The following OOEP variants were observed in gnomAD, a reference collection of about 807,000 sequenced individuals.
The protein encoded by OOEP is oocyte-expressed protein homolog.
A neutral mutation model predicts 13.7 loss-of-function variants in OOEP; 16 were observed. The ratio of observed to expected loss-of-function variants is 1.16; its 90% CI spans 0.79 to 1.77. The LOEUF (loss-of-function observed/expected upper bound fraction) is 1.77. Among genes scored for constraint, OOEP ranks in the 40% most tolerant of loss-of-function variants. OOEP has a pLI of 0.00. For synonymous variants in OOEP, 89 were observed against 77.1 expected (o/e 1.15, Z -0.81); for missense variants, 195 against 193.1 (o/e 1.01, Z -0.06).
intron 2 of OOEP, among the ~76,000 whole-genome samples, chr6:73,390,410 A>T (rs1484660692): frequency 6.6e-6 from 1 of 152,188 alleles, no homozygotes; most frequent in East Asian, 1.9e-4. Context: ...CAAATTCTTT[A>T]CGTAAAATGG....
At chr6:73,390,791 G>T (rs982984202) in intron 2 of OOEP, among the ~76,000 whole-genome samples, 5 of 150,696 alleles carry the variant, frequency 3.3e-5, no homozygotes, top group Admixed American at 2.0e-4. Flanking sequence ...AGTAGAGAGG[G>T]GGGTATCGCC....
intron 2 of OOEP, among the ~76,000 whole-genome samples, chr6:73,379,657 A>AAAAT (rs59726483): frequency 9.0e-6 from 1 of 110,902 alleles, no homozygotes; most frequent in Non-Finnish European, 1.8e-5. Flanking sequence ...AAAAAAAAAA[A>AAAAT]AAAAGTGGCC....
rs541876094 is a variant in OOEP, at chr6:73,382,304, G to A, written c.25+12042C>T. Among the ~76,000 whole-genome samples, 15 of 138,876 alleles carry A rather than the reference G, an allele frequency of 1.1e-4. No homozygotes were observed. The South Asian group carries it at 1.9e-3, about 17-fold the overall frequency. The allele number at this position is 138,876 out of a possible 152,430, so 91.1% of individuals were successfully genotyped here. On this transcript the variant is annotated intron_variant, in intron 2 of 3. Coordinates refer to the OOEP transcript ENST00000370363. The stretch of plus-strand genomic sequence containing the variant: ...GTGATCTCAGCTCACCACAACCTCC[G>A]CCTCCTGGGTTCAAGTGATTCTCCT...
chr6:73,389,741 T>C (rs516395), intron 2 of OOEP, among the ~76,000 whole-genome samples: 73,462 of 151,472 alleles, frequency 0.48, 18,504 homozygotes, highest in South Asian at 0.6. Context: ...ATATACCTAA[T>C]GTTAAATGAC....
At chr6:73,381,205 T>TAAAAAAA (rs66507015) in intron 2 of OOEP, among the ~76,000 whole-genome samples, 5 of 100,998 alleles carry the variant, frequency 5.0e-5, no homozygotes, top group East Asian at 2.8e-4. Context: ...AAAAAAGTGT[T>TAAAAAAA]AAAAAAAAAA....
intron 2 of OOEP, among the ~76,000 whole-genome samples, chr6:73,384,009 T>C (rs1769237853): frequency 6.6e-6 from 1 of 152,114 alleles, no homozygotes; most frequent in Non-Finnish European, 1.5e-5. Flanking sequence ...GGCAGGAGGA[T>C]CACTTGAGCC....
At chr6:73,382,232 T>TA in intron 2 of OOEP, among the ~76,000 whole-genome samples, 1 of 147,138 alleles carries the variant, frequency 6.8e-6, no homozygotes, top group Middle Eastern at 3.5e-3. Context: ...TTTTTTTTTT[T>TA]TTTGAGATGG....
intron 2 of OOEP, among the ~76,000 whole-genome samples, chr6:73,375,997 C>T (rs12206527): frequency 0.038 from 5,831 of 151,864 alleles, 129 homozygotes; most frequent in East Asian, 0.076. Context: ...TTGGCCAGGC[C>T]GGTCTCGAAC....
At chr6:73,394,388 A>G (rs1248071658) in exon 2 of OOEP, 2 of 714,686 alleles carry the variant, frequency 2.8e-6, no homozygotes, top group East Asian at 2.7e-5. Flanking sequence ...GCAGTGGCTG[A>G]CTGTAATCCC....
upstream of OOEP, among the ~76,000 whole-genome samples, chr6:73,371,619 G>C (rs1769057218): frequency 6.6e-6 from 1 of 151,920 alleles, no homozygotes; most frequent in Non-Finnish European, 1.5e-5. Flanking sequence ...ACATGGTGGT[G>C]CATGCCTATA....
chr6:73,392,663 C>T (rs549763719), intron 2 of OOEP, among the ~76,000 whole-genome samples: 17 of 121,810 alleles, frequency 1.4e-4, no homozygotes, highest in East Asian at 7.9e-4. Flanking sequence ...TGGAGTCTCT[C>T]GCTCTGTCAT....
At chr6:73,387,957 C>T (rs1769297464) in intron 2 of OOEP, among the ~76,000 whole-genome samples, 2 of 152,220 alleles carry the variant, frequency 1.3e-5, no homozygotes, top group African/African-American at 2.4e-5. Flanking sequence ...GCAACTTCCG[C>T]CTCCTGTGTT....
rs199988719 is a variant in OOEP, at chr6:73,369,262, C to T, written c.314G>A (p.Arg105Gln). 2.0e-5 allele frequency: 32 copies of T among 1,613,728 alleles called. No individual in the cohort carries two copies. The highest frequency in any genetic ancestry group is 1.8e-4 in the Admixed American group (11 of 59,980). The change falls in exon 2 of 3, where the codon CGG (arginine) becomes CAG (glutamine). Residue 105 changes from arginine to glutamine, a missense_variant. Physicochemically the swap from Arg to Gln is conservative, Grantham distance 43 (BLOSUM62 1). Coordinates refer to ENST00000370359, the MANE Select transcript of OOEP (RefSeq NM_001080507.3). ...TVFGRPRVQN[R>Q]VKSMLLCLAW... ...CAGGCACAGGAGCATGCTCTTCACC[C>T]GATTCTGTACACGGGGCCGCCCGAA...
upstream of OOEP, chr6:73,370,099 G>T (rs1048796836): frequency 2.1e-5 from 8 of 390,228 alleles, no homozygotes; most frequent in Admixed American, 4.2e-5. Context: ...TGCTTAGCCT[G>T]AAAGTCCTCT....
At chr6:73,381,568 A>C (rs1448172740) in intron 2 of OOEP, among the ~76,000 whole-genome samples, 2 of 152,206 alleles carry the variant, frequency 1.3e-5, no homozygotes, top group Non-Finnish European at 2.9e-5. Context: ...AGGAACAGAC[A>C]CTACTTTGCA....
chr6:73,370,579 CCT>C (rs1170132697), upstream of OOEP, among the ~76,000 whole-genome samples: 3 of 152,176 alleles, frequency 2.0e-5, no homozygotes, highest in Non-Finnish European at 4.4e-5. Flanking sequence ...TTGCCTCACT[CCT>C]CTGTTTTTAA....
At chr6:73,379,170 G>A (rs1018964676) in intron 2 of OOEP, among the ~76,000 whole-genome samples, 6 of 151,596 alleles carry the variant, frequency 4.0e-5, no homozygotes, top group East Asian at 4.0e-4. Flanking sequence ...GATTACAGGC[G>A]TGCGCCACCA....
intron 2 of OOEP, chr6:73,391,363 G>C (rs1490137566): frequency 2.0e-5 from 3 of 153,012 alleles, no homozygotes; most frequent in Non-Finnish European, 4.4e-5. Flanking sequence ...GATTCTGCTA[G>C]CTCTTTTGGG....
At chr6:73,383,657 A>G (rs1243990124) in intron 2 of OOEP, among the ~76,000 whole-genome samples, 2 of 152,262 alleles carry the variant, frequency 1.3e-5, no homozygotes, top group Non-Finnish European at 1.5e-5. Flanking sequence ...AATCAATGCA[A>G]TCAGTGCAAG....
Sources: allele counts gnomAD v4.1 joint callset (sites outside exome capture counted in the v4.1 genomes callset), GRCh38; gene constraint gnomAD v4.1.1; transcripts MANE v1.5; gene names NCBI Gene and HGNC (gene_info 2026-07-23, HGNC 2026-07-21).